Variants in CHD8 observed in about 807,000 individuals in gnomAD.
The protein encoded by CHD8 is ATP-dependent chromatin remodeler CHD8.
CHD8 carries 31 observed loss-of-function variants against 279.2 expected under a neutral mutation model. That is an observed-to-expected ratio of 0.11 (90% CI 0.08 to 0.15). The LOEUF (loss-of-function observed/expected upper bound fraction) is 0.15, where lower values mean the gene tolerates loss of function less well. Ranked by LOEUF, CHD8 falls within the 10% of genes least tolerant of loss-of-function variation. The pLI is 1.00. For synonymous variants in CHD8, 1,081 were observed against 1,139.6 expected (o/e 0.95, Z 1.04); for missense variants, 2,146 against 3,230.5 (o/e 0.66, Z 8.14).
In CHD8 at chr14:21,402,134, G is replaced by A. The variant is rs774740082; in HGVS notation, c.3885C>T (p.Ile1295=). The change falls in exon 20 of 38, where the codon ATC becomes ATT. Residue 1295 remains isoleucine (I), a splice_region_variant and synonymous_variant. Coordinates refer to ENST00000646647, the MANE Select transcript of CHD8 (RefSeq NM_001170629.2). This position sits in a 1 kb window ranked among gnomAD's most constrained non-coding sequence, Gnocchi z 4.5. ...MSGRDGNITG[I]QQFSKKEIED... ...CAATCTCCTTCTTAGAGAACTGTTG[G>A]ATCTGTAAAAACCAATAGAAAGATG... 9 of 1,598,748 alleles carry A rather than the reference G, an allele frequency of 5.6e-6. No homozygotes were observed. The East Asian group carries it at 2.0e-4, about 36-fold the overall frequency.
chr14:21,448,910 C>T (rs540353683), intron 1 of CHD8, among the ~76,000 whole-genome samples: 8 of 150,298 alleles, frequency 5.3e-5, no homozygotes, highest in Non-Finnish European at 8.9e-5. Flanking sequence ...CACGGTGGCT[C>T]ACGCCTGTAA....
At chr14:21,422,618 T>A (rs748979734) in intron 5 of CHD8, among the ~76,000 whole-genome samples, 1 of 152,152 alleles carries the variant, frequency 6.6e-6, no homozygotes, top group East Asian at 1.9e-4. Flanking sequence ...CGGGACTGGG[T>A]AATTTATTTT....
chr14:21,408,545 T>C lies in CHD8; in HGVS notation c.2497A>G (p.Ile833Val). 4 of 1,612,906 alleles carry C rather than the reference T, an allele frequency of 2.5e-6. No individual in the cohort carries two copies. The highest frequency in any genetic ancestry group is 3.4e-6 in the Non-Finnish European group (4 of 1,179,190). The change falls in exon 13 of 38, where the codon ATC (isoleucine) becomes GTC (valine). Residue 833 changes from isoleucine to valine, a missense_variant. By Grantham distance (29) the Ile-to-Val change is conservative. This residue lies in a region of CHD8 where 211 missense variants were observed against 464.7 expected (regional missense o/e 0.45). Coordinates refer to ENST00000646647, the MANE Select transcript of CHD8 (RefSeq NM_001170629.2). This position sits in a 1 kb window ranked among gnomAD's most constrained non-coding sequence, Gnocchi z 4.3. ...LFNWYNRQNC[I>V]LADEMGLGKT... Reference sequence around the variant, plus strand: ...CCCAATCCCATCTCATCAGCCAGGATGCAGTTCTGCCTGCAGATTCACCAT... The same window carrying C: ...CCCAATCCCATCTCATCAGCCAGGACGCAGTTCTGCCTGCAGATTCACCAT...
intron 5 of CHD8, among the ~76,000 whole-genome samples, chr14:21,418,692 T>C (rs1437312921): frequency 6.6e-6 from 1 of 152,102 alleles, no homozygotes; most frequent in Non-Finnish European, 1.5e-5. Context: ...GGCAGGCGCC[T>C]GCAGTACCAG....
At chr14:21,397,493 A>C (rs1887842071) in intron 27 of CHD8, 4 of 402,562 alleles carry the variant, frequency 9.9e-6, no homozygotes, top group Non-Finnish European at 1.0e-5. Flanking sequence ...TCTTCCACAG[A>C]AGCAACGTAT....
At chr14:21,391,679 C>A (rs760750479) in intron 35 of CHD8, 37 bp from the exon 36 acceptor site, 2 of 743,624 alleles carry the variant, frequency 2.7e-6, no homozygotes, top group South Asian at 1.5e-5. Context: ...AGCACATACT[C>A]TTCTTTGGGG....
chr14:21,423,930 A>G (rs1889173357), intron 5 of CHD8, among the ~76,000 whole-genome samples: 1 of 152,220 alleles, frequency 6.6e-6, no homozygotes, highest in Admixed American at 6.5e-5. Flanking sequence ...TAAATGGTAG[A>G]GTCAAGAAAA....
At chr14:21,401,556 T>TA (rs34206530) in intron 20 of CHD8, 43 bp from the exon 21 acceptor site, 38 of 1,253,034 alleles carry the variant, frequency 3.0e-5, no homozygotes, top group Middle Eastern at 1.9e-4. Flanking sequence ...CTTTTTTTTT[T>TA]AAGTGGTGCA....
intron 16 of CHD8, among the ~76,000 whole-genome samples, chr14:21,404,299 T>C (rs1276373192): frequency 6.7e-6 from 1 of 148,596 alleles, no homozygotes; most frequent in Non-Finnish European, 1.5e-5. Context: ...CTTGGGAGGC[T>C]GAGGCAGGAG....
chr14:21,401,872 C>T, intron 20 of CHD8, 85 bp downstream of exon 20: 1 of 1,306,138 alleles, frequency 7.7e-7, no homozygotes, highest in Non-Finnish European at 1.1e-6. Context: ...AGGCATGAGC[C>T]ACCATCCCCA....
Position 21,408,400 on chromosome 14 carries a change from CATGT to C in CHD8, c.2638_2641del (p.Thr880GlyfsTer4). ...GTACACAATAGTGTTCATTTCTGTC[CATGT>C]ATTAAATTCTCGCTCCCAGTTAGTA... On this transcript the variant is annotated frameshift_variant, in exon 13 of 38. Coordinates refer to ENST00000646647, the MANE Select transcript of CHD8 (RefSeq NM_001170629.2). LOFTEE classifies it high-confidence loss of function. The surrounding 1 kb of genome is among the most constrained non-coding windows in gnomAD (Gnocchi z 4.3). 1 of 1,613,906 alleles carries C rather than the reference CATGT, an allele frequency of 6.2e-7. No homozygotes were observed.
intron 1 of CHD8, among the ~76,000 whole-genome samples, chr14:21,433,619 G>T (rs1889654221): frequency 6.6e-6 from 1 of 152,088 alleles, no homozygotes; most frequent in Non-Finnish European, 1.5e-5. Context: ...TAATATATCA[G>T]ATACTCCAAA....
In CHD8 at chr14:21,403,312, G is replaced by A; in HGVS notation, c.3519-100C>T. 1 of 1,327,122 alleles carries A rather than the reference G, an allele frequency of 7.5e-7. No homozygotes were observed. Among genetic ancestry groups the A allele is most frequent in the South Asian group, 1.4e-5 (1 of 73,348 alleles). The allele number at this position is 1,327,122 out of a possible 1,614,324, so 82.2% of individuals were successfully genotyped here. On this transcript the variant is annotated intron_variant, in intron 17 of 37. Transcript: ENST00000646647. The surrounding 1 kb of genome is among the most constrained non-coding windows in gnomAD (Gnocchi z 4.3). ...TACCAGTACTCCCATATCAAAGCTG[G>A]TCAAAAACCCAAGTTGAGAGTGAGA...
chr14:21,443,930 C>T (rs959653016), intron 1 of CHD8, among the ~76,000 whole-genome samples: 14 of 150,978 alleles, frequency 9.3e-5, no homozygotes, highest in Non-Finnish European at 5.9e-5. Flanking sequence ...CTTTCTGATA[C>T]CTACTTTCCA....
chr14:21,392,939 T>C lies in CHD8; in HGVS notation c.6469-130A>G, dbSNP rs1887613917. ...AAGGCAGAAAAGAGGAAGTTAATAC[T>C]ATTAAGATTCCTAAGTCAACTGGGA... is the stretch of plus-strand genomic sequence containing the variant. On this transcript the variant is annotated intron_variant, in intron 33 of 37. Coordinates refer to ENST00000646647, the MANE Select transcript of CHD8 (RefSeq NM_001170629.2). 8 of 1,197,628 alleles carry C rather than the reference T, an allele frequency of 6.7e-6. No individual in the cohort carries two copies. The South Asian group carries it at 7.6e-5, about 11-fold the overall frequency. 74.2% of individuals were successfully genotyped at this position (1,197,628 alleles called of 1,614,324 possible).
chr14:21,438,512 T>TAAAAAAAAAAAAAAAAA (rs559681631), intron 1 of CHD8, among the ~76,000 whole-genome samples: 2 of 112,442 alleles, frequency 1.8e-5, no homozygotes, highest in African/African-American at 3.5e-5. Flanking sequence ...CCTAGTCTCT[T>TAAAAAAAAAAAAAAAAA]AAAAAAAAAA....
chr14:21,405,065 G>T lies in CHD8; in HGVS notation c.3307+144C>A. 2 of 716,932 alleles carry T rather than the reference G, an allele frequency of 2.8e-6. No homozygotes were observed. The highest frequency in any genetic ancestry group is 4.5e-6 in the Non-Finnish European group (2 of 443,176). 44.4% of individuals were successfully genotyped at this position (716,932 alleles called of 1,614,324 possible). Reference sequence around the variant, plus strand: ...CAGGCTTAGAGTCTCTTTTTTAAAAGGAGAACCATTTCCCTCCCATTCCTC... The same window carrying T: ...CAGGCTTAGAGTCTCTTTTTTAAAATGAGAACCATTTCCCTCCCATTCCTC... On this transcript the variant is annotated intron_variant, in intron 16 of 37. Coordinates refer to ENST00000646647, the MANE Select transcript of CHD8 (RefSeq NM_001170629.2). This position sits in a 1 kb window ranked among gnomAD's most constrained non-coding sequence, Gnocchi z 4.2.
intron 1 of CHD8, among the ~76,000 whole-genome samples, chr14:21,453,534 A>C (rs1187085416): frequency 6.6e-6 from 1 of 151,932 alleles, no homozygotes; most frequent in Non-Finnish European, 1.5e-5. Context: ...TAAAATAGTA[A>C]ATATTATACC....
chr14:21,431,213 G>A lies in CHD8; in HGVS notation c.431C>T (p.Ser144Phe), dbSNP rs762744157. Reference sequence around the variant, plus strand: ...TGGCTGCCCTCCAGCACTACTGGAGGAGACAGCTGTGGCAGAGACACCCAT... The same window carrying A: ...TGGCTGCCCTCCAGCACTACTGGAGAAGACAGCTGTGGCAGAGACACCCAT... ...PFMGVSATAV[S>F]SSSAGGQPPQ... is the part of the protein sequence containing the mutation. The change falls in exon 2 of 38, where the codon TCC becomes TTC. Residue 144 changes from serine (S) to phenylalanine (F), a missense_variant. Physicochemically the swap from Ser to Phe is radical, Grantham distance 155 (BLOSUM62 -2). This residue lies in a region of CHD8 where 302 missense variants were observed against 325.5 expected (regional missense o/e 0.93). Transcript: ENST00000646647. 1.3e-6 allele frequency: 2 copies of A among 1,599,086 alleles called. No homozygotes were observed. Among genetic ancestry groups the A allele is most frequent in the South Asian group, 1.1e-5 (1 of 90,986 alleles).
Sources: gnomAD v4.1 joint callset for allele counts (sites outside exome capture counted in the v4.1 genomes callset) on GRCh38, gnomAD v4.1.1 for gene constraint, gnomAD v4.1.1 regional missense constraint, Gnocchi (gnomAD v3.1) non-coding constraint, MANE v1.5 for transcripts, NCBI Gene and HGNC (gene_info 2026-07-23, HGNC 2026-07-21) for gene names.